Variants in PPP4R3B observed in about 807,000 individuals in gnomAD.
The protein encoded by PPP4R3B is serine/threonine-protein phosphatase 4 regulatory subunit 3B.
In PPP4R3B, 52 loss-of-function variants were observed where a neutral mutation model predicts 95.4. The observed-to-expected ratio is 0.54, with a 90% CI of 0.44 to 0.69. PPP4R3B has a LOEUF of 0.69. Ranked by LOEUF, PPP4R3B falls within the 30% of genes least tolerant of loss-of-function variation. The pLI, the probability that PPP4R3B is intolerant of heterozygous loss-of-function variation, is 0.00. For missense variants in PPP4R3B, 1,003 were observed against 1,005.9 expected (o/e 1.00, Z 0.04); for synonymous variants, 407 against 343.9 (o/e 1.18, Z -2.03).
At chr2:55,605,068 C>A (rs1440048885) in intron 2 of PPP4R3B, among the ~76,000 whole-genome samples, 1 of 152,014 alleles carries the variant, frequency 6.6e-6, no homozygotes, top group Non-Finnish European at 1.5e-5. Flanking sequence ...AACTCCTGGG[C>A]TCAAGCGATC....
At chr2:55,604,843 T>TTG (rs1416856056) in intron 2 of PPP4R3B, among the ~76,000 whole-genome samples, 2 of 151,920 alleles carry the variant, frequency 1.3e-5, no homozygotes, top group Non-Finnish European at 2.9e-5. Context: ...TATATATATT[T>TTG]TGTTGTTTCC....
chr2:55,574,578 A>C (rs1355532311), intron 11 of PPP4R3B, among the ~76,000 whole-genome samples: 2 of 152,084 alleles, frequency 1.3e-5, no homozygotes, highest in African/African-American at 4.8e-5. Flanking sequence ...TATCAAGTAA[A>C]AAATATTACA....
intron 4 of PPP4R3B, among the ~76,000 whole-genome samples, chr2:55,594,624 A>C (rs1691510898): frequency 6.6e-6 from 1 of 152,240 alleles, no homozygotes; most frequent in East Asian, 1.9e-4. Context: ...TCTGAAGACA[A>C]AAACAGTCAT....
chr2:55,573,870 T>C, intron 11 of PPP4R3B, 93 bp from the exon 12 acceptor site: 1 of 610,870 alleles, frequency 1.6e-6, no homozygotes, highest in Admixed American at 4.6e-5. Flanking sequence ...TAACAAAATC[T>C]AAACTGTATT....
At chr2:55,591,295 C>T (rs1240485578) in intron 4 of PPP4R3B, among the ~76,000 whole-genome samples, 1 of 151,220 alleles carries the variant, frequency 6.6e-6, no homozygotes, top group Admixed American at 6.6e-5. Flanking sequence ...TGCCACCATA[C>T]CTGGCTATTT....
chr2:55,576,728 A>AACT (rs1397855943), intron 11 of PPP4R3B, among the ~76,000 whole-genome samples: 1 of 152,160 alleles, frequency 6.6e-6, no homozygotes, highest in Admixed American at 6.5e-5. Flanking sequence ...AAAAACAATG[A>AACT]ACTACAGTGT....
At chr2:55,602,493 T>C (rs750756271) in intron 3 of PPP4R3B, among the ~76,000 whole-genome samples, 2 of 152,212 alleles carry the variant, frequency 1.3e-5, no homozygotes, top group African/African-American at 4.8e-5. Context: ...CAATGTGCTA[T>C]GTGGTGGGGG....
chr2:55,598,905 C>A lies in PPP4R3B; in HGVS notation c.432G>T (p.Glu144Asp). The A allele has an allele frequency of 6.2e-7, 1 of 1,614,168 alleles. No individual in the cohort carries two copies. The highest frequency in any genetic ancestry group is 8.5e-7 in the Non-Finnish European group (1 of 1,180,040). The change falls in exon 4 of 17, where the codon GAG (glutamate) becomes GAT (aspartate). Residue 144 changes from glutamate (E) to aspartate (D), a missense_variant. Physicochemically the swap from Glu to Asp is conservative, Grantham distance 45. Coordinates refer to ENST00000616407, the MANE Select transcript of PPP4R3B (RefSeq NM_001122964.3). ...LPTCELNKLEEIADLVTSVLS... is the reference protein window; with the variant it reads ...LPTCELNKLEDIADLVTSVLS... ...GCACTGAGGTAACTAAGTCAGCAAT[C>A]TCTTCAAGTTTATTGAGTTCACATG...
chr2:55,573,886 CTTTTTT>C (rs369126683), intron 11 of PPP4R3B, 109 bp from the exon 12 acceptor site: 54 of 277,588 alleles, frequency 1.9e-4, no homozygotes, highest in South Asian at 3.5e-4. Flanking sequence ...GTATTTCCTC[CTTTTTT>C]TTTTTTTTTT....
At chr2:55,601,109 C>A (rs1222567088) in intron 3 of PPP4R3B, among the ~76,000 whole-genome samples, 1 of 136,614 alleles carries the variant, frequency 7.3e-6, no homozygotes, top group Non-Finnish European at 1.5e-5. Flanking sequence ...CACACCACTG[C>A]ATTCTAGCCT....
intron 4 of PPP4R3B, 130 bp downstream of exon 4, chr2:55,598,286 T>A (rs1692076296): frequency 5.4e-6 from 5 of 934,332 alleles, no homozygotes; most frequent in Non-Finnish European, 4.7e-6. Flanking sequence ...TTGTTTACTT[T>A]AAATGTACTT....
chr2:55,555,233 T>C lies in PPP4R3B; in HGVS notation c.2454+3542A>G, dbSNP rs530689217. Among the ~76,000 whole-genome samples, 33 of 144,702 alleles carry C rather than the reference T, an allele frequency of 2.3e-4. 1 individual carries two copies. Among genetic ancestry groups the C allele is most frequent in the African/African-American group, 6.2e-4 (24 of 38,884 alleles). The allele number at this position is 144,702 out of a possible 152,430, so 94.9% of individuals were successfully genotyped here. On this transcript the variant is annotated intron_variant, in intron 16 of 16. Transcript: ENST00000616407. ...AGGCGGAGCTTGCAGTGAGCCAAGA[T>C]TGCGCCACCGCACTCCAGCCTGGGC...
In PPP4R3B at chr2:55,598,591, T is replaced by G; in HGVS notation, c.746A>C (p.Lys249Thr). The change falls in exon 4 of 17, where the codon AAG becomes ACG. Residue 249 changes from lysine to threonine, a missense_variant. Lys to Thr is a moderately conservative substitution (Grantham distance 78). Coordinates refer to ENST00000616407, the MANE Select transcript of PPP4R3B (RefSeq NM_001122964.3). The part of the protein sequence containing the change: ...REFLTKTAKF[K>T]EVIPITDSEL... The stretch of plus-strand genomic sequence containing the variant: ...AGAGTCTGTTATTGGTATAACTTCC[T>G]TGAACTTTGCAGTTTTGGTCAAGAA... 1.9e-6 allele frequency: 3 copies of G among 1,614,236 alleles called. No individual in the cohort carries two copies. Among genetic ancestry groups the G allele is most frequent in the Non-Finnish European group, 2.5e-6 (3 of 1,180,038 alleles).
At chr2:55,562,510 T>A (rs1181174655) in intron 15 of PPP4R3B, among the ~76,000 whole-genome samples, 1 of 152,218 alleles carries the variant, frequency 6.6e-6, no homozygotes, top group Non-Finnish European at 1.5e-5. Context: ...ATATGCTTGC[T>A]TTCCTTTCGC....
chr2:55,566,625 T>A (rs1317589421), intron 13 of PPP4R3B, among the ~76,000 whole-genome samples: 3 of 152,194 alleles, frequency 2.0e-5, no homozygotes, highest in Non-Finnish European at 4.4e-5. Context: ...CCAAATAATC[T>A]TCATATGAGA....
intron 16 of PPP4R3B, among the ~76,000 whole-genome samples, chr2:55,556,354 TA>T (rs1685845818): frequency 1.3e-5 from 2 of 152,250 alleles, no homozygotes; most frequent in South Asian, 4.1e-4. Flanking sequence ...TGCTTGCATT[TA>T]ATTTTGCTCA....
chr2:55,569,126 C>A (rs1166826323), intron 12 of PPP4R3B, among the ~76,000 whole-genome samples: 1 of 151,950 alleles, frequency 6.6e-6, no homozygotes, highest in Non-Finnish European at 1.5e-5. Context: ...AAAACCAGGC[C>A]ATGCAGAGAT....
intron 15 of PPP4R3B, among the ~76,000 whole-genome samples, chr2:55,560,337 C>T (rs572602280): frequency 1.6e-4 from 24 of 152,228 alleles, no homozygotes; most frequent in Admixed American, 8.5e-4. Flanking sequence ...GGAACTTATT[C>T]GGAACTGGAG....
intron 5 of PPP4R3B, among the ~76,000 whole-genome samples, chr2:55,588,153 T>C (rs1267158658): frequency 6.6e-6 from 1 of 152,120 alleles, no homozygotes; most frequent in Non-Finnish European, 1.5e-5. Flanking sequence ...AAATAAAAAA[T>C]TTCCAAAGAA....
Sources: allele counts gnomAD v4.1 joint callset (sites outside exome capture counted in the v4.1 genomes callset), GRCh38; gene constraint gnomAD v4.1.1; transcripts MANE v1.5; gene names NCBI Gene and HGNC (gene_info 2026-07-23, HGNC 2026-07-21).